Variants in MAF observed in about 807,000 individuals in gnomAD.
MAF encodes MAF bZIP transcription factor, also known as transcription factor Maf.
Under a neutral mutation model 22.0 loss-of-function variants are expected in MAF, and 10 were observed. The observed-to-expected ratio is 0.45, with a 90% confidence interval of 0.28 to 0.77. MAF has a LOEUF of 0.77. Ranked by LOEUF, MAF falls within the 30% of genes least tolerant of loss-of-function variation. MAF has a pLI of 0.12. For missense variants in MAF, 544 were observed against 548.4 expected, an observed-to-expected ratio of 0.99 and a Z score of 0.08; for synonymous variants, 337 against 255.8, an observed-to-expected ratio of 1.32 and a Z score of -3.03.
chr16:79,332,337 G>T, the MAF span, among the ~76,000 whole-genome samples: 3 of 152,076 alleles, frequency 2.0e-5, no homozygotes, highest in East Asian at 5.8e-4. Flanking sequence ...GTCTTGCTCT[G>T]TTGTCCAGCC....
At chr16:79,553,528 T>C in the MAF span, among the ~76,000 whole-genome samples, 13 of 152,200 alleles carry the variant, frequency 8.5e-5, no homozygotes, top group Admixed American at 7.2e-4. Context: ...CCTCAGCATA[T>C]TGCCTCCACA....
At chr16:79,535,301 T>C in the MAF span, among the ~76,000 whole-genome samples, 2 of 151,812 alleles carry the variant, frequency 1.3e-5, no homozygotes, top group African/African-American at 2.4e-5. Flanking sequence ...GATACTATCA[T>C]CTTAACATGT....
the MAF span, among the ~76,000 whole-genome samples, chr16:79,519,789 C>T: frequency 6.6e-6 from 1 of 152,276 alleles, no homozygotes; most frequent in African/African-American, 2.4e-5. Context: ...ACCCTGTGTT[C>T]ACAGCGCAGG....
chr16:79,423,878 C>T, the MAF span, among the ~76,000 whole-genome samples: 1 of 152,122 alleles, frequency 6.6e-6, no homozygotes, highest in Non-Finnish European at 1.5e-5. Context: ...TAGATAGATG[C>T]TTGAAAACAG....
At chr16:79,340,300 T>A in the MAF span, among the ~76,000 whole-genome samples, 1 of 151,908 alleles carries the variant, frequency 6.6e-6, no homozygotes, top group African/African-American at 2.4e-5. Flanking sequence ...AAAAGATGCC[T>A]TGTTATTATT....
chr16:79,361,316 A>T, the MAF span, among the ~76,000 whole-genome samples: 1 of 152,086 alleles, frequency 6.6e-6, no homozygotes, highest in South Asian at 2.1e-4. Flanking sequence ...CTCTAGGTGT[A>T]CCCAGGAAGG....
the MAF span, among the ~76,000 whole-genome samples, chr16:79,426,380 G>A: frequency 2.0e-5 from 3 of 151,662 alleles, no homozygotes; most frequent in African/African-American, 7.3e-5. Context: ...TTCTCTAACT[G>A]TTTCTTTTTA....
At chr16:79,389,908 G>A in the MAF span, among the ~76,000 whole-genome samples, 4 of 146,494 alleles carry the variant, frequency 2.7e-5, no homozygotes, top group African/African-American at 7.6e-5. Context: ...CCTGGGAGGC[G>A]GAGGTTGCAG....
the MAF span, among the ~76,000 whole-genome samples, chr16:79,366,761 C>G: frequency 6.6e-6 from 1 of 152,184 alleles, no homozygotes; most frequent in African/African-American, 2.4e-5. Flanking sequence ...TGCTAGAGAC[C>G]TCTGCTGATC....
the MAF span, among the ~76,000 whole-genome samples, chr16:79,558,471 G>C: frequency 1.3e-5 from 2 of 152,086 alleles, no homozygotes; most frequent in African/African-American, 2.4e-5. Flanking sequence ...CTACTTCCTG[G>C]AGCTAAAATT....
rs578113546 is a variant in MAF, at chr16:79,598,901, G to C, written c.1002C>G (p.Ile334Met). The C allele has an allele frequency of 2.5e-6, 4 of 1,613,752 alleles. No homozygotes were observed. In the South Asian group the frequency reaches 4.4e-5, roughly 18 times the overall value. Residue 334 changes from isoleucine (I) to methionine (M), a missense_variant, in exon 1 of 2, where the codon ATC becomes ATG. Around this residue, in one of 5 missense-constraint regions of MAF, gnomAD observed 129 missense variants for 113.6 expected, o/e 1.14. Coordinates refer to ENST00000326043, the MANE Select transcript of MAF (RefSeq NM_005360.5). ...LQQVDHLKQE[I>M]SRLVRERDAY... The stretch of plus-strand genomic sequence containing the variant: ...CGTCCCTCTCGCGCACCAGCCTGGA[G>C]ATCTCCTGCTTGAGGTGGTCGACTT...
At chr16:79,210,938 A>G in the MAF span, among the ~76,000 whole-genome samples, 4 of 152,134 alleles carry the variant, frequency 2.6e-5, no homozygotes, top group Admixed American at 1.3e-4. Context: ...CCCATTGTAA[A>G]TCTGGGTCAA....
the MAF span, among the ~76,000 whole-genome samples, chr16:79,373,359 CTTTTTTTTTTTTTTTTTTTT>C: frequency 1.8e-3 from 59 of 33,318 alleles, 1 homozygote; most frequent in Non-Finnish European, 3.0e-3. Flanking sequence ...GGACTGGTAG[CTTTTTTTTTTTTTTTTTTTT>C]TTTTTTTTTT....
chr16:79,429,453 C>T, the MAF span, among the ~76,000 whole-genome samples: 1 of 152,286 alleles, frequency 6.6e-6, no homozygotes, highest in African/African-American at 2.4e-5. Context: ...TGAGGAGCGC[C>T]GTGCCTCCCT....
chr16:79,577,892 T>G, the MAF span, among the ~76,000 whole-genome samples: 1 of 152,164 alleles, frequency 6.6e-6, no homozygotes, highest in Non-Finnish European at 1.5e-5. Context: ...TTTCTACATT[T>G]TCCTCTTCAT....
At chr16:79,333,476 G>C in the MAF span, among the ~76,000 whole-genome samples, 1 of 152,172 alleles carries the variant, frequency 6.6e-6, no homozygotes, top group African/African-American at 2.4e-5. Flanking sequence ...CGGCCCTGAG[G>C]AGGTGCCCAT....
At chr16:79,561,638 A>G in the MAF span, among the ~76,000 whole-genome samples, 5 of 152,258 alleles carry the variant, frequency 3.3e-5, no homozygotes, top group Admixed American at 3.3e-4. Context: ...CCTACAAAGG[A>G]AACATTTTAC....
the MAF span, among the ~76,000 whole-genome samples, chr16:79,524,397 G>A: frequency 6.6e-6 from 1 of 152,128 alleles, no homozygotes; most frequent in Non-Finnish European, 1.5e-5. Context: ...ATTTGCAACT[G>A]GCAAATGAAA....
At chr16:79,502,724 T>TATAA in the MAF span, among the ~76,000 whole-genome samples, 262 of 94,872 alleles carry the variant, frequency 2.8e-3, 10 homozygotes, top group East Asian at 5.2e-3. Context: ...TATATATATA[T>TATAA]ATATATATAT....
Sources: allele counts gnomAD v4.1 joint callset (sites outside exome capture counted in the v4.1 genomes callset), GRCh38; gene constraint gnomAD v4.1.1; regional missense constraint gnomAD v4.1.1; transcripts MANE v1.5; gene names NCBI Gene and HGNC (gene_info 2026-07-23, HGNC 2026-07-21).